Variants in SLC6A18 observed in about 807,000 individuals in gnomAD.
SLC6A18 encodes solute carrier family 6 member 18.
SLC6A18 carries 58 observed loss-of-function variants against 62.9 expected under a neutral mutation model. That is an observed-to-expected ratio of 0.92 (90% CI 0.75 to 1.15). The LOEUF is 1.15. SLC6A18 is among the 50% of genes most tolerant of loss of function. The pLI is 0.00. For missense variants in SLC6A18, 793 were observed against 836.6 expected (o/e 0.95, Z 0.64); for synonymous variants, 382 against 365.8 (o/e 1.04, Z -0.51).
rs752460592 is a variant in SLC6A18 at position 1,244,210 on chromosome 5, C to A, written c.1337-4C>A. 15 of 1,611,120 alleles carry A rather than the reference C, an allele frequency of 9.3e-6. No homozygotes were observed. In the Middle Eastern group the frequency reaches 5.5e-4, roughly 59 times the overall value. On this transcript the variant is annotated splice_region_variant and splice_polypyrimidine_tract_variant and intron_variant, in intron 9 of 11. Coordinates refer to ENST00000324642, the MANE Select transcript of SLC6A18 (RefSeq NM_182632.3). ...CCCCCCACACCCCTTTCCCACTGCCCCAGGGCTGGTCTGCCTGGTCTGCTT... is the reference window on the plus strand; with the variant it reads ...CCCCCCACACCCCTTTCCCACTGCCACAGGGCTGGTCTGCCTGGTCTGCTT...
Position 1,246,084 on chromosome 5 carries a change from G to T in SLC6A18, c.*6G>T. The T allele has an allele frequency of 6.4e-7, 1 of 1,561,624 alleles. No individual in the cohort carries two copies. On this transcript the variant is annotated 3_prime_UTR_variant, in exon 12 of 12. Transcript: ENST00000324642. ...CGGACACGGACATGCGCTGAAGCCG[G>T]CCGGAGCGGGGCCTGCATGGGCGGG...
In SLC6A18 at chr5:1,234,874, G is replaced by A. The variant is rs115948913; in HGVS notation, c.440-607G>A. Among the ~76,000 whole-genome samples, 1,319 of 152,324 alleles carry A rather than the reference G, an allele frequency of 8.7e-3. 18 individuals carry two copies. Among genetic ancestry groups the A allele is most frequent in the African/African-American group, 0.029 (1,207 of 41,576 alleles). On this transcript the variant is annotated intron_variant, in intron 3 of 11. Transcript: ENST00000324642. ...TGGGCAGTGGCCCGGTCGGGATACC[G>A]GTAATCCTCAGACTTTTCCATGAGG... is the stretch of plus-strand genomic sequence containing the variant.
intron 1 of SLC6A18, among the ~76,000 whole-genome samples, chr5:1,227,410 G>A (rs1436831106): frequency 6.6e-6 from 1 of 152,168 alleles, no homozygotes; most frequent in African/African-American, 2.4e-5. Flanking sequence ...CAAGCCACCG[G>A]GTTGCATGTC....
intron 10 of SLC6A18, 89 bp from the exon 11 acceptor site, chr5:1,244,519 G>C: frequency 6.5e-7 from 1 of 1,546,966 alleles, no homozygotes; most frequent in Non-Finnish European, 8.7e-7. Flanking sequence ...GAGGGTGCAG[G>C]TTGGACCCCA....
intron 6 of SLC6A18, 104 bp from the exon 7 acceptor site, chr5:1,240,427 G>C: frequency 6.5e-7 from 1 of 1,527,800 alleles, no homozygotes; most frequent in Non-Finnish European, 8.8e-7. Context: ...GGCATCCCAG[G>C]CGGGAGAGAG....
chr5:1,235,083 C>G (rs186888179), intron 3 of SLC6A18, among the ~76,000 whole-genome samples: 1 of 152,210 alleles, frequency 6.6e-6, no homozygotes, highest in Non-Finnish European at 1.5e-5. Context: ...TCACTTTCTC[C>G]CCAAGCACTA....
intron 1 of SLC6A18, among the ~76,000 whole-genome samples, chr5:1,227,555 A>G (rs377331436): frequency 1.8e-4 from 27 of 152,398 alleles, no homozygotes; most frequent in African/African-American, 6.3e-4. Context: ...AAAACAAGAT[A>G]TAATTAAGAA....
At chr5:1,234,264 G>A (rs1746827835) in intron 3 of SLC6A18, among the ~76,000 whole-genome samples, 1 of 152,200 alleles carries the variant, frequency 6.6e-6, no homozygotes, top group African/African-American at 2.4e-5. Context: ...AACTCACGCT[G>A]GGCTGGTGCT....
chr5:1,244,956 C>A (rs1747181030), intron 11 of SLC6A18, among the ~76,000 whole-genome samples, 189 bp downstream of exon 11: 1 of 55,024 alleles, frequency 1.8e-5, no homozygotes, highest in Non-Finnish European at 3.6e-5. Context: ...TTGTGCAGCG[C>A]CCGAGTGCCC....
At chr5:1,234,731 G>A (rs1369636736) in intron 3 of SLC6A18, among the ~76,000 whole-genome samples, 1 of 152,208 alleles carries the variant, frequency 6.6e-6, no homozygotes, top group African/African-American at 2.4e-5. Flanking sequence ...GGCAGGCAGT[G>A]CCCACTCAGA....
intron 9 of SLC6A18, 23 bp from the exon 10 acceptor site, chr5:1,244,191 A>T: frequency 1.4e-5 from 4 of 286,158 alleles, no homozygotes; most frequent in Admixed American, 5.6e-5. Context: ...CTTACCCCCC[A>T]CACCCCTTTC....
At chr5:1,229,209 C>T (rs563370917) in intron 1 of SLC6A18, among the ~76,000 whole-genome samples, 2 of 152,176 alleles carry the variant, frequency 1.3e-5, no homozygotes, top group South Asian at 2.1e-4. Context: ...GCTGTGGCCA[C>T]GATCTCGTAT....
In SLC6A18 at chr5:1,246,114, T is replaced by A; in HGVS notation, c.*36T>A. On this transcript the variant is annotated 3_prime_UTR_variant, in exon 12 of 12. Transcript: ENST00000324642. The stretch of plus-strand genomic sequence containing the variant: ...AGCGGGGCCTGCATGGGCGGGTCTG[T>A]GGGGGGGCTTGGCCTGATGGTGGGC... The A allele has an allele frequency of 1.4e-6, 2 of 1,473,606 alleles. No individual in the cohort carries two copies. The highest frequency in any genetic ancestry group is 9.0e-7 in the Non-Finnish European group (1 of 1,112,694). The allele number at this position is 1,473,606 out of a possible 1,614,324, so 91.3% of individuals were successfully genotyped here.
rs543216640 is a variant in SLC6A18, at chr5:1,232,455, C to T, written c.301+96C>T. ...CGGGGGCGGGTCCATGCCTGTGGTA[C>T]GGAAGCGGCCAGGCCAGGCCGGCGG... is the stretch of plus-strand genomic sequence containing the variant. On this transcript the variant is annotated intron_variant, in intron 2 of 11. Transcript: ENST00000324642. The T allele has an allele frequency of 1.5e-4, 215 of 1,482,288 alleles. 2 individuals carry two copies. In the Middle Eastern group the frequency reaches 1.9e-3, roughly 13 times the overall value. The allele number at this position is 1,482,288 out of a possible 1,614,324, so 91.8% of individuals were successfully genotyped here. A position where few individuals can be genotyped will look rare whatever the true frequency, so the allele number is the denominator to read the frequency against.
At chr5:1,236,200 G>C (rs1746880098) in intron 4 of SLC6A18, among the ~76,000 whole-genome samples, 1 of 151,876 alleles carries the variant, frequency 6.6e-6, no homozygotes. Context: ...TCCTTGGTTG[G>C]TTTAGCTTTA....
At position 1,238,341 on chromosome 5, in the gene SLC6A18, G is replaced by GA. The variant is rs1369486486; in HGVS notation, c.732+281_732+282insA. Among the ~76,000 whole-genome samples the GA allele has an allele frequency of 1.0e-3, 116 of 112,528 alleles. 1 individual carries two copies. The highest frequency in any genetic ancestry group is 2.4e-3 in the East Asian group (11 of 4,580). The allele number at this position is 112,528 out of a possible 152,430, so 73.8% of individuals were successfully genotyped here. On this transcript the variant is annotated intron_variant, in intron 5 of 11. Coordinates refer to ENST00000324642, the MANE Select transcript of SLC6A18 (RefSeq NM_182632.3). ...AGACATCAGGTTTGGAGTGAGCCTG[G>GA]GGCCTCAGGAAAGAGGTCAGGTTTG...
intron 6 of SLC6A18, among the ~76,000 whole-genome samples, chr5:1,239,792 T>C (rs1427750355): frequency 6.6e-6 from 1 of 152,164 alleles, no homozygotes. Flanking sequence ...CTGGGCACGA[T>C]ACCAATCAAA....
chr5:1,226,334 C>T (rs1369023464), intron 1 of SLC6A18, among the ~76,000 whole-genome samples: 2 of 152,206 alleles, frequency 1.3e-5, no homozygotes, highest in Non-Finnish European at 2.9e-5. Context: ...GATGTAGGGA[C>T]AGGCATGAAT....
intron 1 of SLC6A18, among the ~76,000 whole-genome samples, chr5:1,227,578 T>C (rs4975626): frequency 0.91 from 138,657 of 152,340 alleles, 63,535 homozygotes; most frequent in Non-Finnish European, 0.95. Flanking sequence ...AGGTACTGTG[T>C]AGCTTTTAAC....
Sources: gnomAD v4.1 joint callset for allele counts (sites outside exome capture counted in the v4.1 genomes callset) on GRCh38, gnomAD v4.1.1 for gene constraint, MANE v1.5 for transcripts, NCBI Gene and HGNC (gene_info 2026-07-23, HGNC 2026-07-21) for gene names.